Variants in TRIP6 observed in about 807,000 individuals in gnomAD.
TRIP6 encodes thyroid receptor-interacting protein 6.
A neutral mutation model predicts 51.9 loss-of-function variants in TRIP6; 33 were observed. The observed-to-expected ratio is 0.64, with a 90% CI of 0.48 to 0.85. TRIP6 has a LOEUF of 0.85. TRIP6 is among the 40% of genes least tolerant of loss of function. The pLI, the probability that TRIP6 is intolerant of heterozygous loss-of-function variation, is 0.00. For missense variants in TRIP6, 661 were observed against 652.1 expected, an observed-to-expected ratio of 1.01 and a Z score of -0.15; for synonymous variants, 255 against 275.8, an observed-to-expected ratio of 0.92 and a Z score of 0.75.
Position 100,867,655 on chromosome 7 carries a change from C to T in TRIP6, c.109+49C>T. The T allele has an allele frequency of 6.4e-7, 1 of 1,562,068 alleles. No individual in the cohort carries two copies. The highest frequency in any genetic ancestry group is 8.7e-7 in the Non-Finnish European group (1 of 1,154,816). On this transcript the variant is annotated intron_variant, in intron 1 of 8. Transcript: ENST00000200457. This position sits in a 1 kb window ranked among gnomAD's most constrained non-coding sequence, Gnocchi z 5.4. ...AAGAGCCACCCAGCTGTGGCGCTCA[C>T]CTCTGTCCTACCGCTCCAGCCTCCC... is the stretch of plus-strand genomic sequence containing the variant.
chr7:100,871,231 CGCCATGTTG>C, intron 6 of TRIP6: 1 of 477,504 alleles, frequency 2.1e-6, no homozygotes, highest in Non-Finnish European at 3.9e-6. Flanking sequence ...GACAGGGTTT[CGCCATGTTG>C]GCCAGGCTGT....
In TRIP6 at chr7:100,867,425, G is replaced by A. The variant is rs1815160639; in HGVS notation, c.-73G>A. ...TTTTCTGGAGTCCCAAACGAGGTGC[G>A]GGACGGAAGAGGGGGTGAAGGCCAG... On this transcript the variant is annotated 5_prime_UTR_variant, in exon 1 of 9. Transcript: ENST00000200457. This position sits in a 1 kb window ranked among gnomAD's most constrained non-coding sequence, Gnocchi z 5.4. The A allele has an allele frequency of 8.9e-7, 1 of 1,129,816 alleles. No individual in the cohort carries two copies. Among genetic ancestry groups the A allele is most frequent in the Non-Finnish European group, 1.2e-6 (1 of 836,192 alleles). 70.0% of individuals were successfully genotyped at this position (1,129,816 alleles called of 1,614,324 possible). A position where few individuals can be genotyped will look rare whatever the true frequency, so the allele number is the denominator to read the frequency against.
intron 4 of TRIP6, among the ~76,000 whole-genome samples, 166 bp from the exon 5 acceptor site, chr7:100,870,204 G>A (rs1339647795): frequency 1.3e-5 from 2 of 152,250 alleles, no homozygotes; most frequent in African/African-American, 4.8e-5. Context: ...AGGCGGTAAT[G>A]CAAGTGATGG....
rs748287850 is a variant in TRIP6 at position 100,870,780 on chromosome 7, T to TA, written c.999+37_999+38insA. The TA allele has an allele frequency of 5.7e-6, 9 of 1,586,598 alleles. No homozygotes were observed. The African/African-American group carries it at 1.1e-4, about 19-fold the overall frequency. On this transcript the variant is annotated intron_variant, in intron 6 of 8. Coordinates refer to ENST00000200457, the MANE Select transcript of TRIP6 (RefSeq NM_003302.3). ...GGGCTGGGAGGAGGGAGTCAGTGGC[T>TA]GGATGCAGGGGGCTTCCATCCAAGG...
In TRIP6 at chr7:100,870,443, C is replaced by T. The variant is rs761971242; in HGVS notation, c.809C>T (p.Pro270Leu). 43 of 1,613,344 alleles carry T rather than the reference C, an allele frequency of 2.7e-5. No individual in the cohort carries two copies. Among genetic ancestry groups the T allele is most frequent in the African/African-American group, 1.7e-4 (13 of 74,906 alleles). Residue 270 changes from proline (P) to leucine (L), a missense_variant, in exon 5 of 9, where the codon CCG (proline) becomes CTG (leucine). Coordinates refer to ENST00000200457, the MANE Select transcript of TRIP6 (RefSeq NM_003302.3). ...TKKLVHDMNH[P>L]PSGEYFGQCG... The stretch of plus-strand genomic sequence containing the variant: ...AAGCTGGTTCACGACATGAACCACC[C>T]GCCCAGCGGGGAGTACTTTGGTGAG...
At chr7:100,871,488 T>G (rs1584719628) in intron 6 of TRIP6, 55 bp from the exon 7 acceptor site, 109 of 1,580,846 alleles carry the variant, frequency 6.9e-5, no homozygotes, top group Non-Finnish European at 8.6e-5. Context: ...GGGTTCCTGT[T>G]GAGCTGCCAT....
intron 4 of TRIP6, among the ~76,000 whole-genome samples, chr7:100,869,977 C>A (rs957528831): frequency 3.3e-5 from 5 of 151,808 alleles, no homozygotes. Context: ...AACAATTATA[C>A]AATTCACCAT....
intron 4 of TRIP6, 83 bp from the exon 5 acceptor site, chr7:100,870,287 C>A: frequency 7.1e-7 from 1 of 1,408,770 alleles, no homozygotes; most frequent in South Asian, 1.2e-5. Flanking sequence ...CAGTTCCTAA[C>A]AGGCCATGGC....
At position 100,867,729 on chromosome 7, in the gene TRIP6, C is replaced by A; in HGVS notation, c.109+123C>A. 4.6e-6 allele frequency: 7 copies of A among 1,521,588 alleles called. No homozygotes were observed. The highest frequency in any genetic ancestry group is 2.1e-5 in the Admixed American group (1 of 47,810). 94.3% of individuals were successfully genotyped at this position (1,521,588 alleles called of 1,614,324 possible). A position where few individuals can be genotyped will look rare whatever the true frequency, so the allele number is the denominator to read the frequency against. On this transcript the variant is annotated intron_variant, in intron 1 of 8. Transcript: ENST00000200457. This position sits in a 1 kb window ranked among gnomAD's most constrained non-coding sequence, Gnocchi z 5.4. Reference sequence around the variant, plus strand: ...CTTCCCCAAGCCGAGGCGGGGGGAACAGCCGCCTGCGCTCTCTTGGGACCC... The same window carrying A: ...CTTCCCCAAGCCGAGGCGGGGGGAAAAGCCGCCTGCGCTCTCTTGGGACCC...
At chr7:100,869,284 G>T (rs1165380112) in intron 4 of TRIP6, among the ~76,000 whole-genome samples, 1 of 151,630 alleles carries the variant, frequency 6.6e-6, no homozygotes, top group Non-Finnish European at 1.5e-5. Context: ...AGCAGAGTCA[G>T]AGGTCTGGGA....
chr7:100,868,155 C>A lies in TRIP6; in HGVS notation c.285C>A (p.Ala95=), dbSNP rs145233601. The change falls in exon 3 of 9, where the codon GCC becomes GCA. Residue 95 remains alanine, a synonymous_variant. Coordinates refer to ENST00000200457, the MANE Select transcript of TRIP6 (RefSeq NM_003302.3). ...GCCTTCGCCCTGGAAGCCTGGACGC[C>A]GAGATAGACTTGCTGAGCAGCACGC... ...RGGLRPGSLD[A]EIDLLSSTLA... is the part of the protein sequence containing the mutation. The A allele has an allele frequency of 2.5e-6, 4 of 1,611,648 alleles. No individual in the cohort carries two copies. The highest frequency in any genetic ancestry group is 1.7e-5 in the Admixed American group (1 of 59,346).
chr7:100,870,785 G>A, intron 6 of TRIP6, 42 bp downstream of exon 6: 1 of 1,581,572 alleles, frequency 6.3e-7, no homozygotes, highest in South Asian at 1.2e-5. Flanking sequence ...GTGGCTGGAT[G>A]CAGGGGGCTT....
chr7:100,869,589 A>T (rs1815225641), intron 4 of TRIP6, among the ~76,000 whole-genome samples: 2 of 138,998 alleles, frequency 1.4e-5, no homozygotes, highest in Admixed American at 1.6e-4. Context: ...CCGAGATCGC[A>T]CCACTGCTCT....
intron 2 of TRIP6, 55 bp downstream of exon 2, chr7:100,868,043 A>T: frequency 3.9e-6 from 6 of 1,541,200 alleles, no homozygotes; most frequent in Middle Eastern, 1.8e-4. Context: ...ACCGAGTCTG[A>T]GGGACCCAGG....
At chr7:100,872,779 G>T in intron 8 of TRIP6, 35 bp downstream of exon 8, 1 of 1,612,402 alleles carries the variant, frequency 6.2e-7, no homozygotes, top group Non-Finnish European at 8.5e-7. Context: ...GGGGCTGGCA[G>T]TGTCTAGGGT....
chr7:100,871,844 T>C, intron 7 of TRIP6, 123 bp downstream of exon 7: 1 of 1,290,100 alleles, frequency 7.8e-7, no homozygotes, highest in Non-Finnish European at 1.0e-6. Flanking sequence ...TTTGTTATTG[T>C]TATTTTTTAG....
chr7:100,870,437 A>G lies in TRIP6; in HGVS notation c.803A>G (p.Asn268Ser). 6.3e-7 allele frequency: 1 copy of G among 1,585,598 alleles called. No homozygotes were observed. Among genetic ancestry groups the G allele is most frequent in the Non-Finnish European group, 8.6e-7 (1 of 1,163,306 alleles). The change falls in exon 5 of 9, where the codon AAC (asparagine) becomes AGC (serine). Residue 268 changes from asparagine to serine, a missense_variant. Transcript: ENST00000200457. ...RLTKKLVHDM[N>S]HPPSGEYFGQ... ...ACGAAGAAGCTGGTTCACGACATGA[A>G]CCACCCGCCCAGCGGGGAGTACTTT...
At position 100,870,353 on chromosome 7, in the gene TRIP6, C is replaced by CCT. The variant is rs10627414; in HGVS notation, c.736-17_736-16insCT. 0.99 allele frequency: 1,598,138 copies of CCT among 1,609,696 alleles called. 793,625 individuals carry two copies. The highest frequency in any genetic ancestry group is 1 in the Non-Finnish European group (1,177,079 of 1,178,858). ...TCAGGAGCTAGAGTAGGACCGAGCC[C>CCT]GATTCCCACCTTCCAGGTGCCCCTG... On this transcript the variant is annotated splice_polypyrimidine_tract_variant and intron_variant, in intron 4 of 8. Coordinates refer to ENST00000200457, the MANE Select transcript of TRIP6 (RefSeq NM_003302.3).
At position 100,867,740 on chromosome 7, in the gene TRIP6, G is replaced by C. The variant is rs1383632646; in HGVS notation, c.110-121G>C. On this transcript the variant is annotated intron_variant, in intron 1 of 8. Transcript: ENST00000200457. This position sits in a 1 kb window ranked among gnomAD's most constrained non-coding sequence, Gnocchi z 5.4. ...CGAGGCGGGGGGAACAGCCGCCTGC[G>C]CTCTCTTGGGACCCTAGATTTGGGG... 7 of 1,518,326 alleles carry C rather than the reference G, an allele frequency of 4.6e-6. No individual in the cohort carries two copies. The African/African-American group carries it at 8.5e-5, about 18-fold the overall frequency. The allele number at this position is 1,518,326 out of a possible 1,614,324, so 94.1% of individuals were successfully genotyped here.
Sources: gnomAD v4.1 joint callset for allele counts (sites outside exome capture counted in the v4.1 genomes callset) on GRCh38, gnomAD v4.1.1 for gene constraint, Gnocchi (gnomAD v3.1) non-coding constraint, MANE v1.5 for transcripts, NCBI Gene and HGNC (gene_info 2026-07-23, HGNC 2026-07-21) for gene names.